The following CSMD2 variants were observed in gnomAD, a reference collection of about 807,000 sequenced individuals.
The protein encoded by CSMD2 is CUB and sushi domain-containing protein 2.
CSMD2 carries 130 observed loss-of-function variants against 398.5 expected under a neutral mutation model. The observed-to-expected ratio is 0.33, with a 90% confidence interval of 0.28 to 0.38. The LOEUF is 0.38. Ranked by LOEUF, CSMD2 falls within the 10% of genes least tolerant of loss-of-function variation. CSMD2 has a pLI of 1.00. For synonymous variants in CSMD2, 1,828 were observed against 1,908.5 expected, an observed-to-expected ratio of 0.96 and a Z score of 1.10; for missense variants, 3,829 against 4,764.9, an observed-to-expected ratio of 0.80 and a Z score of 5.78.
intron 3 of CSMD2, among the ~76,000 whole-genome samples, chr1:33,987,402 T>G (rs958005199): frequency 2.6e-5 from 4 of 152,162 alleles, no homozygotes; most frequent in Non-Finnish European, 5.9e-5. Flanking sequence ...CAGAGGAATA[T>G]AGAGTTGAGT....
chr1:33,755,277 G>C (rs1458287222), intron 13 of CSMD2, among the ~76,000 whole-genome samples: 1 of 152,156 alleles, frequency 6.6e-6, no homozygotes, highest in East Asian at 1.9e-4. Flanking sequence ...CAGAAGCTCA[G>C]TGTATGTAAA....
At chr1:33,976,325 G>A (rs773524065) in intron 3 of CSMD2, among the ~76,000 whole-genome samples, 1 of 152,174 alleles carries the variant, frequency 6.6e-6, no homozygotes, top group African/African-American at 2.4e-5. Context: ...GATCCAAAAG[G>A]GGGTGGTTGG....
intron 1 of CSMD2, among the ~76,000 whole-genome samples, chr1:34,104,611 G>A: frequency 6.6e-6 from 1 of 152,148 alleles, no homozygotes; most frequent in African/African-American, 2.4e-5. Context: ...AACACAGCGG[G>A]GAGCTGCAGA....
Position 34,089,183 on chromosome 1 carries a change from G to A in CSMD2, c.198C>T (p.Cys66=), listed in dbSNP as rs1658261964. Residue 66 remains cysteine, a synonymous_variant, in exon 2 of 71, where the codon TGC becomes TGT. Transcript: ENST00000373381. The stretch of plus-strand genomic sequence containing the variant: ...CATTGGGACCGTGCAGTTGGAACGT[G>A]CAGTTCTGGCCTGGGAAAGAGAAAT... The part of the protein sequence containing the change: ...LSVSAAAGQN[C]TFQLHGPNGT... The A allele has an allele frequency of 6.2e-7, 1 of 1,613,928 alleles. No individual in the cohort carries two copies. The highest frequency in any genetic ancestry group is 1.3e-5 in the African/African-American group (1 of 74,920).
chr1:33,581,384 CA>C (rs1437950492), intron 47 of CSMD2, among the ~76,000 whole-genome samples: 1 of 84,446 alleles, frequency 1.2e-5, no homozygotes, highest in African/African-American at 4.6e-5. Flanking sequence ...AAAAAAAATA[CA>C]AAAATTATCT....
intron 21 of CSMD2, among the ~76,000 whole-genome samples, chr1:33,714,253 T>C (rs1265597256): frequency 1.3e-5 from 2 of 152,194 alleles, no homozygotes; most frequent in African/African-American, 2.4e-5. Context: ...GTAAGAGGCA[T>C]CCTTAAGCCA....
intron 5 of CSMD2, among the ~76,000 whole-genome samples, chr1:33,910,044 C>G (rs1643362186): frequency 6.6e-6 from 1 of 152,160 alleles, no homozygotes; most frequent in African/African-American, 2.4e-5. Context: ...TCCTCTCTAC[C>G]CCTTCATAGC....
intron 24 of CSMD2, among the ~76,000 whole-genome samples, chr1:33,693,932 G>T (rs945631708): frequency 5.3e-5 from 8 of 152,018 alleles, no homozygotes; most frequent in African/African-American, 1.9e-4. Context: ...GGTGGTACAT[G>T]CCTGTAATCC....
At chr1:33,522,254 CA>C (rs1210229432) in intron 67 of CSMD2, among the ~76,000 whole-genome samples, 2 of 152,216 alleles carry the variant, frequency 1.3e-5, no homozygotes, top group Non-Finnish European at 2.9e-5. Flanking sequence ...TCCCCGCAAA[CA>C]CACCTTGCTG....
At position 33,602,119 on chromosome 1, in the gene CSMD2, T is replaced by C. The variant is rs567975190; in HGVS notation, c.6710+250A>G. ...CCCATTAACACACCCACTGGTACTT[T>C]CCCTGGCCCTGGCAGGGTTGCAGGC... On this transcript the variant is annotated intron_variant, in intron 43 of 70. Coordinates refer to ENST00000373381, the MANE Select transcript of CSMD2 (RefSeq NM_001281956.2). 2.0e-5 allele frequency among the ~76,000 whole-genome samples: 3 copies of C among 152,306 alleles called. No individual in the cohort carries two copies. The East Asian group carries it at 5.8e-4, about 29-fold the overall frequency.
chr1:33,638,734 C>T (rs968081107), intron 29 of CSMD2, among the ~76,000 whole-genome samples: 3 of 152,180 alleles, frequency 2.0e-5, no homozygotes, highest in African/African-American at 7.2e-5. Flanking sequence ...GGCTCCCTGT[C>T]TTACCTCTTT....
chr1:33,645,698 C>A (rs1303398683), intron 29 of CSMD2, among the ~76,000 whole-genome samples: 1 of 152,224 alleles, frequency 6.6e-6, no homozygotes, highest in East Asian at 1.9e-4. Context: ...GTACCAAGGA[C>A]TTTCATGTGT....
At chr1:34,156,863 C>T (rs1347164794) in intron 1 of CSMD2, among the ~76,000 whole-genome samples, 2 of 152,096 alleles carry the variant, frequency 1.3e-5, no homozygotes, top group Admixed American at 6.5e-5. Context: ...TAAAATTTTC[C>T]AACAATACAA....
intron 7 of CSMD2, among the ~76,000 whole-genome samples, chr1:33,822,998 T>C (rs1570124083): frequency 6.6e-6 from 1 of 152,258 alleles, no homozygotes; most frequent in African/African-American, 2.4e-5. Flanking sequence ...CATATGGCGG[T>C]TCCCTTTCCC....
intron 44 of CSMD2, among the ~76,000 whole-genome samples, chr1:33,595,347 G>C (rs540071124): frequency 1.8e-4 from 28 of 152,318 alleles, no homozygotes; most frequent in Admixed American, 3.9e-4. Context: ...GATAATCATG[G>C]AAGTGATGCT....
At chr1:34,076,248 G>A (rs1475385413) in intron 2 of CSMD2, among the ~76,000 whole-genome samples, 1 of 152,230 alleles carries the variant, frequency 6.6e-6, no homozygotes, top group African/African-American at 2.4e-5. Context: ...CCATTTTGCT[G>A]AGAAGGAAAC....
intron 5 of CSMD2, among the ~76,000 whole-genome samples, chr1:33,848,193 G>A (rs1192624250): frequency 6.6e-6 from 1 of 152,176 alleles, no homozygotes. Flanking sequence ...ACCCGGGAGG[G>A]GCAGTATCCT....
chr1:33,861,038 T>A (rs766386101), intron 5 of CSMD2: 1 of 152,218 alleles, frequency 6.6e-6, no homozygotes, highest in Non-Finnish European at 1.5e-5. Flanking sequence ...TCACTTATCC[T>A]TGTATGGAGA....
In CSMD2 at chr1:33,564,793, C is replaced by G. The variant is rs1385866004; in HGVS notation, c.8380+2800G>C. Among the ~76,000 whole-genome samples the G allele has an allele frequency of 2.7e-3, 411 of 152,170 alleles. 1 individual carries two copies. The highest frequency in any genetic ancestry group is 0.01 in the Middle Eastern group (3 of 294). ...AGTTCTCATTATTTTATGGCCCCAT[C>G]CCATATATAAAAAGCCAAAAGAAGA... On this transcript the variant is annotated intron_variant, in intron 53 of 70. Coordinates refer to ENST00000373381, the MANE Select transcript of CSMD2 (RefSeq NM_001281956.2).
Sources: allele counts gnomAD v4.1 joint callset (sites outside exome capture counted in the v4.1 genomes callset), GRCh38; gene constraint gnomAD v4.1.1; transcripts MANE v1.5; gene names NCBI Gene and HGNC (gene_info 2026-07-23, HGNC 2026-07-21).